The following CORO2A variants were observed in gnomAD, a reference collection of about 807,000 sequenced individuals.
The protein encoded by CORO2A is coronin 2A, also known as coronin-2A.
In CORO2A, 47 loss-of-function variants were observed where a neutral mutation model predicts 62.4. The ratio of observed to expected loss-of-function variants is 0.75; its 90% CI spans 0.60 to 0.96. CORO2A has a LOEUF of 0.96. Ranked by LOEUF, CORO2A falls within the 40% of genes least tolerant of loss-of-function variation. CORO2A has a pLI of 0.00. For synonymous variants in CORO2A, 273 were observed against 268.9 expected (o/e 1.02, Z -0.15); for missense variants, 610 against 684.1 (o/e 0.89, Z 1.21).
intron 2 of CORO2A, among the ~76,000 whole-genome samples, chr9:98,142,613 C>T (rs531755521): frequency 6.6e-6 from 1 of 152,380 alleles, no homozygotes; most frequent in African/African-American, 2.4e-5. Flanking sequence ...TCAGGCTGCC[C>T]TCGGGCTGAC....
At chr9:98,188,792 AAAC>A (rs1043934492) in intron 1 of CORO2A, among the ~76,000 whole-genome samples, 6 of 152,116 alleles carry the variant, frequency 3.9e-5, no homozygotes, top group Non-Finnish European at 5.9e-5. Flanking sequence ...CAACAACAAA[AAAC>A]AACAACAAAA....
At chr9:98,156,950 A>G (rs1324592917) in intron 2 of CORO2A, among the ~76,000 whole-genome samples, 1 of 152,194 alleles carries the variant, frequency 6.6e-6, no homozygotes, top group Non-Finnish European at 1.5e-5. Context: ...AGGTTGATCT[A>G]TGTGAAAATG....
At chr9:98,185,493 T>C (rs2118941862) in intron 1 of CORO2A, among the ~76,000 whole-genome samples, 1 of 152,338 alleles carries the variant, frequency 6.6e-6, no homozygotes, top group East Asian at 1.9e-4. Context: ...GTTCTTTTGC[T>C]CCACTGCATC....
intron 11 of CORO2A, among the ~76,000 whole-genome samples, 180 bp from the exon 12 acceptor site, chr9:98,125,085 T>A (rs1827298899): frequency 6.6e-6 from 1 of 152,156 alleles, no homozygotes; most frequent in South Asian, 2.1e-4. Context: ...ACCCAATAAA[T>A]GAAATTCAAG....
At chr9:98,190,989 C>T (rs1027859462) in intron 1 of CORO2A, among the ~76,000 whole-genome samples, 12 of 152,230 alleles carry the variant, frequency 7.9e-5, no homozygotes, top group Non-Finnish European at 1.5e-5. Context: ...CAAGGTAGCT[C>T]ACCCCCAGGT....
intron 11 of CORO2A, among the ~76,000 whole-genome samples, 182 bp downstream of exon 11, chr9:98,126,367 C>T (rs1456148443): frequency 6.6e-6 from 1 of 152,082 alleles, no homozygotes; most frequent in Non-Finnish European, 1.5e-5. Flanking sequence ...ATCATTTTGG[C>T]ATAAGATGGA....
intron 2 of CORO2A, among the ~76,000 whole-genome samples, chr9:98,139,749 T>C (rs924488099): frequency 6.6e-6 from 1 of 152,214 alleles, no homozygotes; most frequent in African/African-American, 2.4e-5. Flanking sequence ...TCAGCTATGA[T>C]TGTGCCACTG....
At chr9:98,182,930 C>G (rs1828195836) in intron 1 of CORO2A, among the ~76,000 whole-genome samples, 1 of 152,214 alleles carries the variant, frequency 6.6e-6, no homozygotes, top group African/African-American at 2.4e-5. Context: ...ACAGATAAGC[C>G]CTGCCTTGAA....
chr9:98,182,799 A>G (rs1453424455), intron 1 of CORO2A, among the ~76,000 whole-genome samples: 1 of 152,254 alleles, frequency 6.6e-6, no homozygotes, highest in Non-Finnish European at 1.5e-5. Context: ...GGGACCCGCC[A>G]CATGTCAAAT....
At chr9:98,125,825 C>A (rs1382556574) in intron 11 of CORO2A, among the ~76,000 whole-genome samples, 1 of 142,326 alleles carries the variant, frequency 7.0e-6, no homozygotes, top group Non-Finnish European at 1.5e-5. Context: ...TCAAGCAATT[C>A]TCCTGCCTCA....
intron 1 of CORO2A, among the ~76,000 whole-genome samples, chr9:98,182,462 A>C (rs1828189754): frequency 6.6e-6 from 1 of 150,754 alleles, no homozygotes; most frequent in African/African-American, 2.4e-5. Context: ...CCTCCTCCAC[A>C]CTCCCCACCC....
intron 1 of CORO2A, among the ~76,000 whole-genome samples, chr9:98,176,125 T>G (rs1330310470): frequency 1.3e-5 from 2 of 152,088 alleles, no homozygotes; most frequent in African/African-American, 4.8e-5. Flanking sequence ...ATCTAAACAT[T>G]CGGCGGGGGG....
intron 2 of CORO2A, among the ~76,000 whole-genome samples, chr9:98,146,250 G>A (rs543164358): frequency 6.6e-6 from 1 of 152,254 alleles, no homozygotes; most frequent in Admixed American, 6.5e-5. Flanking sequence ...TCTGTGGCAG[G>A]CTGGGCCCCA....
intron 3 of CORO2A, among the ~76,000 whole-genome samples, chr9:98,135,994 C>T (rs934708339): frequency 4.1e-4 from 63 of 152,320 alleles, no homozygotes; most frequent in African/African-American, 1.2e-3. Flanking sequence ...AGCAACCGTG[C>T]CCTCCAGGCC....
chr9:98,154,352 T>TATATATATATATATACACAC (rs71369555), intron 2 of CORO2A, among the ~76,000 whole-genome samples: 39 of 94,064 alleles, frequency 4.1e-4, no homozygotes, highest in African/African-American at 1.4e-3. Flanking sequence ...TATATATATA[T>TATATATATATATATACACAC]ACACAAATAC....
intron 8 of CORO2A, 134 bp downstream of exon 8, chr9:98,129,660 T>G: frequency 2.8e-6 from 2 of 706,958 alleles, no homozygotes; most frequent in Non-Finnish European, 5.1e-6. Context: ...AGAGTGTTGC[T>G]ATGCTGTCTC....
At chr9:98,154,143 T>C (rs1035276487) in intron 2 of CORO2A, among the ~76,000 whole-genome samples, 5 of 150,286 alleles carry the variant, frequency 3.3e-5, no homozygotes, top group African/African-American at 1.3e-4. Flanking sequence ...TTTTTCTTTC[T>C]TATTCTGTCC....
chr9:98,180,171 A>T (rs768843608), intron 1 of CORO2A, among the ~76,000 whole-genome samples: 5 of 152,138 alleles, frequency 3.3e-5, no homozygotes, highest in Non-Finnish European at 7.4e-5. Flanking sequence ...GGCGTCTGGC[A>T]AATACCTTAT....
chr9:98,177,976 C>T (rs996167015), intron 1 of CORO2A, among the ~76,000 whole-genome samples: 1 of 152,128 alleles, frequency 6.6e-6, no homozygotes, highest in African/African-American at 2.4e-5. Context: ...GGTCTTGTAG[C>T]TGATGAAGTG....
Sources: gnomAD v4.1 joint callset for allele counts (sites outside exome capture counted in the v4.1 genomes callset) on GRCh38, gnomAD v4.1.1 for gene constraint, MANE v1.5 for transcripts, NCBI Gene and HGNC (gene_info 2026-07-23, HGNC 2026-07-21) for gene names.